Variants in PINX1 observed in about 807,000 individuals in gnomAD.
The protein encoded by PINX1 is PIN2 (TERF1) interacting telomerase inhibitor 1.
Under a neutral mutation model 25.4 loss-of-function variants are expected in PINX1, and 34 were observed. The ratio of observed to expected loss-of-function variants is 1.34; its 90% CI spans 1.02 to 1.78. PINX1 has a LOEUF of 1.78. PINX1 is among the 40% of genes most tolerant of loss of function. PINX1 has a pLI of 0.00. For synonymous variants in PINX1, 197 were observed against 147.7 expected (o/e 1.33, Z -2.42); for missense variants, 592 against 404.9 (o/e 1.46, Z -3.97).
chr8:10,796,747 G>A lies in PINX1; in HGVS notation c.471+23446C>T, dbSNP rs544320025. ...ACTAAGAGCTGTTAAAAAAAAAAAGGGTTCCAGTCAAAAAAGTAACATTAA... is the reference window on the plus strand; with the variant it reads ...ACTAAGAGCTGTTAAAAAAAAAAAGAGTTCCAGTCAAAAAAGTAACATTAA... On this transcript the variant is annotated intron_variant, in intron 6 of 6. Coordinates refer to ENST00000314787, the MANE Select transcript of PINX1 (RefSeq NM_017884.6). 1.7e-4 allele frequency among the ~76,000 whole-genome samples: 26 copies of A among 151,768 alleles called. No individual in the cohort carries two copies. The South Asian group carries it at 1.9e-3, about 11-fold the overall frequency.
intron 6 of PINX1, among the ~76,000 whole-genome samples, chr8:10,806,754 C>T (rs1223000564): frequency 1.3e-5 from 2 of 152,102 alleles, no homozygotes; most frequent in Non-Finnish European, 1.5e-5. Context: ...TGCCGGCAGG[C>T]CCTAGGATGC....
At chr8:10,790,555 G>A (rs1801891407) in intron 6 of PINX1, among the ~76,000 whole-genome samples, 1 of 152,094 alleles carries the variant, frequency 6.6e-6, no homozygotes, top group Non-Finnish European at 1.5e-5. Context: ...AGCCTCAACT[G>A]GTCCATACTG....
chr8:10,779,955 G>A (rs1367168315), intron 6 of PINX1, among the ~76,000 whole-genome samples: 1 of 152,036 alleles, frequency 6.6e-6, no homozygotes, highest in Non-Finnish European at 1.5e-5. Context: ...CAGTGGACCT[G>A]GAAACTCTTA....
At chr8:10,781,567 C>T (rs1801586613) in intron 6 of PINX1, among the ~76,000 whole-genome samples, 1 of 152,256 alleles carries the variant, frequency 6.6e-6, no homozygotes, top group Middle Eastern at 3.4e-3. Context: ...CAAAAGATGA[C>T]ATACACATGA....
chr8:10,780,723 T>C (rs1463851226), intron 6 of PINX1, among the ~76,000 whole-genome samples: 2 of 152,064 alleles, frequency 1.3e-5, no homozygotes, highest in African/African-American at 2.4e-5. Context: ...CACAGATAGA[T>C]GGAAAGATAT....
intron 6 of PINX1, among the ~76,000 whole-genome samples, chr8:10,806,536 A>T (rs1802458621): frequency 6.6e-6 from 1 of 152,190 alleles, no homozygotes; most frequent in Non-Finnish European, 1.5e-5. Flanking sequence ...GATGGATGAG[A>T]AAAGGGTTTG....
At chr8:10,787,939 G>T in intron 6 of PINX1, 1 of 380,246 alleles carries the variant, frequency 2.6e-6, no homozygotes, top group Non-Finnish European at 5.2e-6. Flanking sequence ...CATATTCAAA[G>T]TAAAAAGTTA....
At chr8:10,824,009 C>T (rs534270773) in intron 5 of PINX1, among the ~76,000 whole-genome samples, 1 of 152,308 alleles carries the variant, frequency 6.6e-6, no homozygotes, top group East Asian at 1.9e-4. Flanking sequence ...GAATCATCCT[C>T]ATCAACTAAG....
At chr8:10,825,812 A>C (rs980440707) in intron 5 of PINX1, among the ~76,000 whole-genome samples, 1 of 152,252 alleles carries the variant, frequency 6.6e-6, no homozygotes, top group Non-Finnish European at 1.5e-5. Context: ...CATGCAGCTA[A>C]AAATGTTGGG....
chr8:10,804,265 A>C (rs1235232874), intron 6 of PINX1, among the ~76,000 whole-genome samples: 1 of 152,246 alleles, frequency 6.6e-6, no homozygotes, highest in Non-Finnish European at 1.5e-5. Flanking sequence ...AGTGACTCTC[A>C]TCACCAGAGC....
At chr8:10,803,960 G>A (rs571042275) in intron 6 of PINX1, among the ~76,000 whole-genome samples, 5 of 152,150 alleles carry the variant, frequency 3.3e-5, no homozygotes, top group Non-Finnish European at 5.9e-5. Flanking sequence ...TGATTCCCAT[G>A]AGTATTAAAG....
At chr8:10,826,349 T>C in intron 4 of PINX1, 105 bp from the exon 5 acceptor site, 1 of 603,042 alleles carries the variant, frequency 1.7e-6, no homozygotes, top group South Asian at 2.2e-5. Flanking sequence ...GCCCTATCAT[T>C]AATGATTGAA....
At chr8:10,801,343 A>C (rs753366303) in intron 6 of PINX1, among the ~76,000 whole-genome samples, 1 of 152,250 alleles carries the variant, frequency 6.6e-6, no homozygotes, top group Non-Finnish European at 1.5e-5. Flanking sequence ...CTCCAAGAAA[A>C]TGATGACTGC....
intron 6 of PINX1, among the ~76,000 whole-genome samples, chr8:10,794,112 T>C (rs1192766824): frequency 1.3e-5 from 2 of 152,362 alleles, no homozygotes; most frequent in South Asian, 2.1e-4. Context: ...AGAATAACTC[T>C]CTTCATTAAT....
rs538291587 is a variant in PINX1, at chr8:10,814,189, T to G, written c.471+6004A>C. ...AACCAGTTATTATCTTCCAAATCAATATACAACAAAGATGGTGGGAAAAGG... is the reference window on the plus strand; with the variant it reads ...AACCAGTTATTATCTTCCAAATCAAGATACAACAAAGATGGTGGGAAAAGG... On this transcript the variant is annotated intron_variant, in intron 6 of 6. Coordinates refer to ENST00000314787, the MANE Select transcript of PINX1 (RefSeq NM_017884.6). Among the ~76,000 whole-genome samples, 25 of 152,190 alleles carry G rather than the reference T, an allele frequency of 1.6e-4. 1 individual carries two copies. The South Asian group carries it at 5.0e-3, about 30-fold the overall frequency.
chr8:10,811,129 T>A (rs562718965), intron 6 of PINX1, among the ~76,000 whole-genome samples: 3 of 152,380 alleles, frequency 2.0e-5, no homozygotes, highest in Admixed American at 2.0e-4. Flanking sequence ...TCTTCATGGC[T>A]TATTATTTAA....
chr8:10,769,037 C>T (rs556834438), intron 6 of PINX1, among the ~76,000 whole-genome samples: 32 of 152,240 alleles, frequency 2.1e-4, no homozygotes, highest in African/African-American at 7.5e-4. Context: ...GCTTCATAAA[C>T]GTTGAGAATG....
chr8:10,819,513 T>G (rs1438483004), intron 6 of PINX1, among the ~76,000 whole-genome samples: 1 of 152,242 alleles, frequency 6.6e-6, no homozygotes, highest in Non-Finnish European at 1.5e-5. Flanking sequence ...TCCATAATCC[T>G]AATATATCTC....
intron 6 of PINX1, among the ~76,000 whole-genome samples, chr8:10,812,564 A>G (rs17152520): frequency 0.24 from 36,865 of 152,146 alleles, 4,607 homozygotes; most frequent in East Asian, 0.35. Flanking sequence ...GAATTTCATC[A>G]GTCAGTGCTA....
Sources: allele counts gnomAD v4.1 joint callset (sites outside exome capture counted in the v4.1 genomes callset), GRCh38; gene constraint gnomAD v4.1.1; transcripts MANE v1.5; gene names NCBI Gene and HGNC (gene_info 2026-07-23, HGNC 2026-07-21).